TIAM1: variants seen among roughly 807,000 people sequenced by gnomAD.
TIAM1 encodes rho guanine nucleotide exchange factor TIAM1.
Under a neutral mutation model 163.5 loss-of-function variants are expected in TIAM1, and 65 were observed. The ratio of observed to expected loss-of-function variants is 0.40; its 90% CI spans 0.33 to 0.49. The LOEUF (loss-of-function observed/expected upper bound fraction) is 0.49. TIAM1 is among the 20% of genes least tolerant of loss of function. TIAM1 has a pLI of 0.77. For missense variants in TIAM1, 1,789 were observed against 2,044.7 expected, an observed-to-expected ratio of 0.87 and a Z score of 2.41; for synonymous variants, 833 against 810.1, an observed-to-expected ratio of 1.03 and a Z score of -0.48.
intron 1 of TIAM1, among the ~76,000 whole-genome samples, chr21:31,502,162 G>A (rs1218355553): frequency 6.6e-6 from 1 of 152,106 alleles, no homozygotes; most frequent in Non-Finnish European, 1.5e-5. Context: ...TACCAAACCA[G>A]TCCGCCAAGT....
chr21:31,194,663 A>G (rs2085761189), intron 13 of TIAM1, among the ~76,000 whole-genome samples: 1 of 152,228 alleles, frequency 6.6e-6, no homozygotes, highest in Non-Finnish European at 1.5e-5. Context: ...GTAGATCCCC[A>G]AACAGACCAG....
At chr21:31,357,919 G>A (rs916537854) in intron 2 of TIAM1, among the ~76,000 whole-genome samples, 5 of 152,290 alleles carry the variant, frequency 3.3e-5, no homozygotes, top group African/African-American at 1.2e-4. Context: ...TGCCTTTGCT[G>A]GTTCCTCCTC....
At chr21:31,430,394 G>A (rs1353816381) in intron 2 of TIAM1, among the ~76,000 whole-genome samples, 1 of 151,318 alleles carries the variant, frequency 6.6e-6, no homozygotes, top group Non-Finnish European at 1.5e-5. Context: ...CCCCAGTGCA[G>A]CACCCATGGA....
At chr21:31,339,948 T>C (rs572429350) in intron 1 of TIAM1, among the ~76,000 whole-genome samples, 3 of 152,230 alleles carry the variant, frequency 2.0e-5, no homozygotes, top group East Asian at 3.9e-4. Flanking sequence ...CATGAAAGCA[T>C]TGGCTAGAAC....
intron 2 of TIAM1, among the ~76,000 whole-genome samples, chr21:31,296,820 C>T (rs2211882): frequency 0.037 from 5,646 of 152,244 alleles, 132 homozygotes; most frequent in Non-Finnish European, 0.055. Flanking sequence ...TGTGCCACCA[C>T]GCCCAGCTAA....
chr21:31,406,553 C>A (rs2077250710), intron 2 of TIAM1, among the ~76,000 whole-genome samples: 1 of 152,110 alleles, frequency 6.6e-6, no homozygotes, highest in African/African-American at 2.4e-5. Flanking sequence ...ATTACTAATG[C>A]AATAAACTTT....
At position 31,121,723 on chromosome 21, in the gene TIAM1, C is replaced by A. The variant is rs111427951; in HGVS notation, c.4307-886G>T. 7.4e-3 allele frequency among the ~76,000 whole-genome samples: 1,129 copies of A among 152,268 alleles called. 9 individuals are homozygous for A. Among genetic ancestry groups the A allele is most frequent in the African/African-American group, 0.026 (1,060 of 41,532 alleles). On this transcript the variant is annotated intron_variant, in intron 27 of 27. Transcript: ENST00000541036. ...AACAAAGTGCTGTATAAAGTGACTA[C>A]CAGTTAAGAAAAATTCATTCTTTCA...
intron 2 of TIAM1, among the ~76,000 whole-genome samples, chr21:31,301,411 T>C (rs1036801480): frequency 3.3e-5 from 5 of 152,202 alleles, no homozygotes; most frequent in East Asian, 1.9e-4. Flanking sequence ...CAAGACACCA[T>C]TGGGATTCTA....
chr21:31,174,926 G>A (rs959763170), intron 15 of TIAM1, among the ~76,000 whole-genome samples: 3 of 152,180 alleles, frequency 2.0e-5, no homozygotes, highest in African/African-American at 7.2e-5. Context: ...GATTACAGGC[G>A]TGAGCCATCG....
chr21:31,217,991 A>G (rs1055224051), intron 8 of TIAM1, among the ~76,000 whole-genome samples: 4 of 152,202 alleles, frequency 2.6e-5, no homozygotes, highest in African/African-American at 4.8e-5. Context: ...CAAAAATGAC[A>G]TGTCCTTCTG....
At chr21:31,175,718 C>T (rs1034042676) in intron 15 of TIAM1, among the ~76,000 whole-genome samples, 2 of 152,102 alleles carry the variant, frequency 1.3e-5, no homozygotes, top group Non-Finnish European at 2.9e-5. Flanking sequence ...CCTGCCTCAG[C>T]CTCCCAAGCA....
At chr21:31,535,847 T>C (rs1435912660) in intron 1 of TIAM1, among the ~76,000 whole-genome samples, 1 of 152,082 alleles carries the variant, frequency 6.6e-6, no homozygotes, top group Non-Finnish European at 1.5e-5. Flanking sequence ...CTTGCTCTTT[T>C]CCCAAGCAAG....
chr21:31,178,381 A>G (rs1219344062), intron 15 of TIAM1, among the ~76,000 whole-genome samples: 1 of 129,770 alleles, frequency 7.7e-6, no homozygotes, highest in Non-Finnish European at 1.5e-5. Flanking sequence ...ATCTCGGCTC[A>G]CTGCAGGCTC....
intron 4 of TIAM1, 78 bp from the exon 5 acceptor site, chr21:31,252,267 T>C (rs934182117): frequency 3.0e-5 from 44 of 1,481,210 alleles, no homozygotes; most frequent in Middle Eastern, 3.8e-4. Flanking sequence ...AGAAGAGCCC[T>C]GGGTCCAGCC....
At chr21:31,495,708 G>C (rs183340191) in intron 1 of TIAM1, among the ~76,000 whole-genome samples, 1 of 152,192 alleles carries the variant, frequency 6.6e-6, no homozygotes. Flanking sequence ...AGTGGCTCAC[G>C]CCTGTAATCC....
intron 22 of TIAM1, among the ~76,000 whole-genome samples, chr21:31,139,005 T>A (rs1049405097): frequency 6.6e-6 from 1 of 152,206 alleles, no homozygotes; most frequent in Non-Finnish European, 1.5e-5. Context: ...TGCACATTTC[T>A]TTTTACAATC....
intron 1 of TIAM1, among the ~76,000 whole-genome samples, chr21:31,499,838 A>G (rs1294084976): frequency 6.6e-6 from 1 of 150,460 alleles, no homozygotes; most frequent in Non-Finnish European, 1.5e-5. Flanking sequence ...CAACAGAACA[A>G]GACTCCGTCT....
intron 13 of TIAM1, among the ~76,000 whole-genome samples, chr21:31,188,613 C>T (rs1330477789): frequency 6.6e-6 from 1 of 152,148 alleles, no homozygotes; most frequent in Non-Finnish European, 1.5e-5. Flanking sequence ...CTTGCTCTGT[C>T]CCCCAGGCTG....
chr21:31,445,021 C>CAGAAGAGAAG (rs10636058), intron 2 of TIAM1, among the ~76,000 whole-genome samples: 1 of 151,636 alleles, frequency 6.6e-6, no homozygotes, highest in Non-Finnish European at 1.5e-5. Flanking sequence ...AAACAAAGAA[C>CAGAAGAGAAG]AGAAGAGAAG....
Sources: allele counts gnomAD v4.1 joint callset (sites outside exome capture counted in the v4.1 genomes callset), GRCh38; gene constraint gnomAD v4.1.1; transcripts MANE v1.5; gene names NCBI Gene and HGNC (gene_info 2026-07-23, HGNC 2026-07-21).